The following SNTG1 variants were observed in gnomAD, a reference collection of about 807,000 sequenced individuals.
SNTG1 encodes gamma-1-syntrophin.
Under a neutral mutation model 74.7 loss-of-function variants are expected in SNTG1, and 39 were observed. That is an observed-to-expected ratio of 0.52 (90% CI 0.40 to 0.68). SNTG1 has a LOEUF of 0.68. Among genes scored for constraint, SNTG1 ranks in the 30% least tolerant of loss-of-function variants. SNTG1 has a pLI of 0.00. For missense variants in SNTG1, 685 were observed against 609.5 expected, an observed-to-expected ratio of 1.12 and a Z score of -1.30; for synonymous variants, 254 against 217.1, an observed-to-expected ratio of 1.17 and a Z score of -1.49.
Position 50,792,771 on chromosome 8 carries a change from C to A in SNTG1, c.1496C>A (p.Ala499Asp). The A allele has an allele frequency of 6.2e-7, 1 of 1,612,504 alleles. No individual in the cohort carries two copies. The highest frequency in any genetic ancestry group is 8.5e-7 in the Non-Finnish European group (1 of 1,178,936). Reference sequence around the variant, plus strand: ...GACCCTCTATTTTTAGGCAATCAAGCTACTGCTTCTACTGCTGCCAGCTCT... The same window carrying A: ...GACCCTCTATTTTTAGGCAATCAAGATACTGCTTCTACTGCTGCCAGCTCT... ...CLDPLFLGNQ[A>D]TASTAASSAT... Residue 499 changes from alanine (A) to aspartate (D), a missense_variant, in exon 19 of 19, where the codon GCT becomes GAT. Transcript: ENST00000642720.
At chr8:50,137,248 T>G (rs1563644727) in intron 1 of SNTG1, among the ~76,000 whole-genome samples, 1 of 152,178 alleles carries the variant, frequency 6.6e-6, no homozygotes, top group Non-Finnish European at 1.5e-5. Flanking sequence ...ATTAGTATAG[T>G]GAGAAATTTA....
chr8:50,758,626 T>A (rs1054196382), intron 18 of SNTG1, among the ~76,000 whole-genome samples: 4 of 152,234 alleles, frequency 2.6e-5, no homozygotes, highest in Admixed American at 2.0e-4. Flanking sequence ...TCCAGCTTCA[T>A]CCATGTCCCT....
chr8:50,499,286 T>A (rs974631178), intron 8 of SNTG1, among the ~76,000 whole-genome samples: 1 of 151,902 alleles, frequency 6.6e-6, no homozygotes, highest in African/African-American at 2.4e-5. Flanking sequence ...GATACATAAA[T>A]ATTTCATGGT....
intron 1 of SNTG1, among the ~76,000 whole-genome samples, chr8:50,009,557 C>T (rs1249649053): frequency 6.6e-6 from 1 of 152,116 alleles, no homozygotes; most frequent in Non-Finnish European, 1.5e-5. Context: ...AGAACAAGTT[C>T]TTGTCATAGC....
chr8:50,539,725 C>G (rs79383958), intron 11 of SNTG1, among the ~76,000 whole-genome samples: 5,641 of 152,230 alleles, frequency 0.037, 117 homozygotes, highest in Middle Eastern at 0.11. Context: ...ACTACCCTGG[C>G]AGGGAAATTG....
chr8:50,636,951 C>T (rs2095042992), intron 13 of SNTG1, among the ~76,000 whole-genome samples: 1 of 152,146 alleles, frequency 6.6e-6, no homozygotes, highest in South Asian at 2.1e-4. Flanking sequence ...TGGCAGTCAA[C>T]TTCCCTCCAT....
At chr8:50,291,345 A>G (rs1016296398) in intron 2 of SNTG1, among the ~76,000 whole-genome samples, 2 of 151,064 alleles carry the variant, frequency 1.3e-5, no homozygotes, top group Admixed American at 6.6e-5. Context: ...GTGAGGTACT[A>G]TTTTTTTAAA....
chr8:50,522,810 C>A (rs1234337943), intron 9 of SNTG1, among the ~76,000 whole-genome samples: 1 of 152,124 alleles, frequency 6.6e-6, no homozygotes, highest in African/African-American at 2.4e-5. Flanking sequence ...ATCTCCTGAC[C>A]TTGTGATCTG....
In SNTG1 at chr8:50,027,676, C is replaced by G. The variant is rs552345860; in HGVS notation, c.-103+115445C>G. ...TGATGCCTTGATTCTAGACTTTTAG[C>G]CTTCCTTACTGTGGAAGAATAACTT... On this transcript the variant is annotated intron_variant, in intron 1 of 18. Coordinates refer to ENST00000642720, the MANE Select transcript of SNTG1 (RefSeq NM_018967.5). Among the ~76,000 whole-genome samples the G allele has an allele frequency of 5.8e-4, 89 of 152,266 alleles. 2 individuals are homozygous for G. Among genetic ancestry groups the G allele is most frequent in the Admixed American group, 6.5e-5 (1 of 15,290 alleles).
intron 1 of SNTG1, among the ~76,000 whole-genome samples, chr8:50,004,871 AG>A (rs1348244083): frequency 6.6e-6 from 1 of 152,206 alleles, no homozygotes; most frequent in African/African-American, 2.4e-5. Context: ...CCAAACCAAA[AG>A]CACACAAACC....
chr8:50,707,116 G>A (rs757358245), intron 16 of SNTG1, among the ~76,000 whole-genome samples: 2 of 151,850 alleles, frequency 1.3e-5, no homozygotes, highest in Non-Finnish European at 2.9e-5. Context: ...AGACTTCAAT[G>A]AGTCTCAATT....
chr8:50,369,851 G>A (rs2092226574), intron 2 of SNTG1, among the ~76,000 whole-genome samples: 1 of 152,144 alleles, frequency 6.6e-6, no homozygotes. Context: ...TCATTCTAGG[G>A]AAAGAGACTT....
intron 1 of SNTG1, among the ~76,000 whole-genome samples, chr8:49,932,125 C>A (rs1212529844): frequency 6.6e-6 from 1 of 152,054 alleles, no homozygotes; most frequent in Non-Finnish European, 1.5e-5. Context: ...GCTTCAAATC[C>A]CTTTTGTGGA....
intron 8 of SNTG1, chr8:50,491,193 G>C (rs2093849758): frequency 6.6e-6 from 1 of 152,316 alleles, no homozygotes; most frequent in Non-Finnish European, 1.5e-5. Flanking sequence ...CACGTGACCT[G>C]GAGACACACC....
chr8:50,552,789 G>T (rs1374037618), intron 11 of SNTG1, among the ~76,000 whole-genome samples: 1 of 152,124 alleles, frequency 6.6e-6, no homozygotes, highest in Non-Finnish European at 1.5e-5. Context: ...TCTACATGTT[G>T]TATGTTTTAG....
rs1015661162 is a variant in SNTG1 at position 50,701,580 on chromosome 8, TTCTTCC to T, written c.1039-3014_1039-3009del. Among the ~76,000 whole-genome samples, 41 of 114,098 alleles carry T rather than the reference TTCTTCC, an allele frequency of 3.6e-4. 1 individual carries two copies. Among genetic ancestry groups the T allele is most frequent in the African/African-American group, 1.7e-3 (39 of 22,626 alleles). The allele number at this position is 114,098 out of a possible 152,430, so 74.9% of individuals were successfully genotyped here. A position where few individuals can be genotyped will look rare whatever the true frequency, so the allele number is the denominator to read the frequency against. ...CAATCTATTGTGATATAATACCTTT[TTCTTCC>T]TCTTCTTCTTCTTCTTCTTCTTCTT... On this transcript the variant is annotated intron_variant, in intron 15 of 18. Coordinates refer to ENST00000642720, the MANE Select transcript of SNTG1 (RefSeq NM_018967.5).
At chr8:50,183,731 T>C (rs1300992562) in intron 2 of SNTG1, among the ~76,000 whole-genome samples, 1 of 152,018 alleles carries the variant, frequency 6.6e-6, no homozygotes, top group East Asian at 1.9e-4. Flanking sequence ...TGCTGATGAG[T>C]TCGCCTTCAA....
chr8:50,089,549 C>T (rs2079632722), intron 1 of SNTG1, among the ~76,000 whole-genome samples: 1 of 151,936 alleles, frequency 6.6e-6, no homozygotes, highest in Non-Finnish European at 1.5e-5. Flanking sequence ...TGAACTCAAA[C>T]AAATTTACAA....
At chr8:50,397,270 T>A (rs571665977) in intron 3 of SNTG1, among the ~76,000 whole-genome samples, 1 of 152,344 alleles carries the variant, frequency 6.6e-6, no homozygotes, top group East Asian at 1.9e-4. Context: ...ACAAATGATG[T>A]TACATTAATA....
Sources: allele counts gnomAD v4.1 joint callset (sites outside exome capture counted in the v4.1 genomes callset), GRCh38; gene constraint gnomAD v4.1.1; transcripts MANE v1.5; gene names NCBI Gene and HGNC (gene_info 2026-07-23, HGNC 2026-07-21).